Variants in DYM observed in about 807,000 individuals in gnomAD.
DYM encodes the protein dymeclin.
A neutral mutation model predicts 93.1 loss-of-function variants in DYM; 78 were observed. The observed-to-expected ratio is 0.84, with a 90% CI of 0.70 to 1.01. The LOEUF (loss-of-function observed/expected upper bound fraction) is 1.01. DYM is among the 50% of genes least tolerant of loss of function. The probability of loss-of-function intolerance (pLI) is 0.00; values close to 1 mark genes in which losing one functional copy is unlikely to be tolerated. For missense variants in DYM, 789 were observed against 845.0 expected (o/e 0.93, Z 0.82); for synonymous variants, 321 against 319.7 (o/e 1.00, Z -0.04).
intron 13 of DYM, among the ~76,000 whole-genome samples, chr18:49,253,636 G>A (rs1193108991): frequency 6.6e-6 from 1 of 152,158 alleles, no homozygotes; most frequent in African/African-American, 2.4e-5. Flanking sequence ...ACGATGCTCT[G>A]GTCCGCACCG....
chr18:49,313,361 G>A (rs950033701), intron 8 of DYM, among the ~76,000 whole-genome samples: 1 of 147,776 alleles, frequency 6.8e-6, no homozygotes, highest in South Asian at 2.2e-4. Flanking sequence ...TACTCAGGAG[G>A]TTGAGGCAGA....
intron 6 of DYM, among the ~76,000 whole-genome samples, chr18:49,336,962 G>C (rs1354045093): frequency 6.6e-6 from 1 of 152,190 alleles, no homozygotes; most frequent in Non-Finnish European, 1.5e-5. Context: ...ACTCTAGCTA[G>C]AGAACCTTTC....
intron 2 of DYM, among the ~76,000 whole-genome samples, chr18:49,424,946 ATCG>A (rs1041316988): frequency 2.4e-4 from 36 of 152,178 alleles, no homozygotes; most frequent in African/African-American, 8.4e-4. Context: ...AAGAATCAAT[ATCG>A]TGAAAATGGC....
At chr18:49,326,217 A>T (rs1259110008) in intron 8 of DYM, among the ~76,000 whole-genome samples, 2 of 152,206 alleles carry the variant, frequency 1.3e-5, no homozygotes, top group Non-Finnish European at 2.9e-5. Context: ...AAAATACCAA[A>T]TTAATTAAAA....
rs1474961737 is a variant in DYM, at chr18:49,309,093, G to T, written c.764-22477C>A. On this transcript the variant is annotated intron_variant, in intron 8 of 17. Coordinates refer to ENST00000675505, the MANE Select transcript of DYM (RefSeq NM_001353214.3). Reference sequence around the variant, plus strand: ...CGTTAGTATTGTTATCGCAGAGCTAGACAAGAGCATAAAAAAATTCAGATT... The same window carrying T: ...CGTTAGTATTGTTATCGCAGAGCTATACAAGAGCATAAAAAAATTCAGATT... Among the ~76,000 whole-genome samples, 3 of 152,144 alleles carry T rather than the reference G, an allele frequency of 2.0e-5. 1 individual carries two copies. The highest frequency in any genetic ancestry group is 4.1e-4 in the South Asian group (2 of 4,830).
At chr18:49,326,810 T>G (rs2062912328) in intron 8 of DYM, among the ~76,000 whole-genome samples, 1 of 152,210 alleles carries the variant, frequency 6.6e-6, no homozygotes, top group Admixed American at 6.5e-5. Context: ...TCCATTTTCT[T>G]ATTTTTATTG....
chr18:49,063,130 A>T (rs1484205941), intron 17 of DYM, among the ~76,000 whole-genome samples: 1 of 152,172 alleles, frequency 6.6e-6, no homozygotes, highest in Non-Finnish European at 1.5e-5. Flanking sequence ...TAAGAGAAAA[A>T]GCACATATTC....
intron 14 of DYM, among the ~76,000 whole-genome samples, chr18:49,194,492 T>TA (rs944262369): frequency 6.6e-6 from 1 of 152,214 alleles, no homozygotes; most frequent in Non-Finnish European, 1.5e-5. Flanking sequence ...GTCCTATTCT[T>TA]ACATTGTTTC....
At chr18:49,223,813 G>A (rs1363098384) in intron 13 of DYM, among the ~76,000 whole-genome samples, 1 of 152,082 alleles carries the variant, frequency 6.6e-6, no homozygotes, top group Non-Finnish European at 1.5e-5. Context: ...GACTGAGACT[G>A]GAAGGAAACA....
At chr18:49,134,423 T>G (rs1051266990) in intron 15 of DYM, among the ~76,000 whole-genome samples, 12 of 152,238 alleles carry the variant, frequency 7.9e-5, no homozygotes, top group Admixed American at 2.6e-4. Flanking sequence ...ACAGGATGCA[T>G]TTTTTGAACT....
At chr18:49,298,964 C>A (rs1418281257) in intron 8 of DYM, among the ~76,000 whole-genome samples, 1 of 152,086 alleles carries the variant, frequency 6.6e-6, no homozygotes, top group Admixed American at 6.6e-5. Flanking sequence ...CCCACATATG[C>A]AAAAAGAATA....
chr18:49,223,962 C>T (rs1330459080), intron 13 of DYM, among the ~76,000 whole-genome samples: 1 of 152,030 alleles, frequency 6.6e-6, no homozygotes, highest in African/African-American at 2.4e-5. Flanking sequence ...GCAGAGGAGT[C>T]ACAGGATGAG....
At chr18:49,280,067 T>C (rs1030000015) in intron 10 of DYM, among the ~76,000 whole-genome samples, 8 of 152,224 alleles carry the variant, frequency 5.3e-5, no homozygotes, top group East Asian at 1.9e-4. Flanking sequence ...ATTTCGGGAA[T>C]GTTCACATTT....
In DYM at chr18:49,440,504, T is replaced by C. The variant is rs1052106925; in HGVS notation, c.-53-10057A>G. Reference sequence around the variant, plus strand: ...ATTATATATTTATATAATATATGACTATATATTATATATTTATATAATATA... The same window carrying C: ...ATTATATATTTATATAATATATGACCATATATTATATATTTATATAATATA... On this transcript the variant is annotated intron_variant, in intron 1 of 17. Coordinates refer to ENST00000675505, the MANE Select transcript of DYM (RefSeq NM_001353214.3). 1.2e-3 allele frequency among the ~76,000 whole-genome samples: 76 copies of C among 65,124 alleles called. 2 individuals carry two copies. The highest frequency in any genetic ancestry group is 1.6e-3 in the Non-Finnish European group (63 of 38,338). The allele number at this position is 65,124 out of a possible 152,430, so 42.7% of individuals were successfully genotyped here.
rs530112192 is a variant in DYM, at chr18:49,105,244, G to A, written c.1912-7729C>T. On this transcript the variant is annotated intron_variant, in intron 16 of 17. Transcript: ENST00000675505. ...TGGCAGTTTGTATTTCTGTGGGATC[G>A]GTGGTAATATCTCCCTTATCATTTT... Among the ~76,000 whole-genome samples, 171 of 152,220 alleles carry A rather than the reference G, an allele frequency of 1.1e-3. 1 individual carries two copies. The highest frequency in any genetic ancestry group is 1.3e-3 in the Non-Finnish European group (88 of 68,004).
At chr18:49,096,787 C>T (rs566051136) in intron 17 of DYM, among the ~76,000 whole-genome samples, 1 of 152,336 alleles carries the variant, frequency 6.6e-6, no homozygotes, top group South Asian at 2.1e-4. Context: ...AAGTGCATCT[C>T]TTTCCACTAT....
intron 15 of DYM, among the ~76,000 whole-genome samples, chr18:49,123,479 A>T (rs2082552693): frequency 6.6e-6 from 1 of 152,178 alleles, no homozygotes; most frequent in African/African-American, 2.4e-5. Context: ...ACATTCATTC[A>T]GGCTCTTTAT....
chr18:49,047,470 C>A (rs2071748740), intron 17 of DYM, among the ~76,000 whole-genome samples: 1 of 152,216 alleles, frequency 6.6e-6, no homozygotes, highest in Non-Finnish European at 1.5e-5. Flanking sequence ...ACTTCCAGCA[C>A]TTGCTGACAC....
chr18:49,241,946 AC>A (rs751946291), intron 13 of DYM, among the ~76,000 whole-genome samples: 1 of 152,220 alleles, frequency 6.6e-6, no homozygotes, highest in Non-Finnish European at 1.5e-5. Context: ...ACGATAAGTC[AC>A]CTTCTACGCT....
Sources: allele counts gnomAD v4.1 joint callset (sites outside exome capture counted in the v4.1 genomes callset), GRCh38; gene constraint gnomAD v4.1.1; transcripts MANE v1.5; gene names NCBI Gene and HGNC (gene_info 2026-07-23, HGNC 2026-07-21).